The following VPS13A variants were observed in gnomAD, a reference collection of about 807,000 sequenced individuals.
VPS13A encodes vacuolar protein sorting 13 homolog A, also known as intermembrane lipid transfer protein VPS13A.
A neutral mutation model predicts 390.9 loss-of-function variants in VPS13A; 264 were observed. That is an observed-to-expected ratio of 0.68 (90% CI 0.61 to 0.75). VPS13A has a LOEUF of 0.75. Ranked by LOEUF, VPS13A falls within the 30% of genes least tolerant of loss-of-function variation. VPS13A has a pLI of 0.00. For synonymous variants in VPS13A, 1,231 were observed against 1,227.1 expected (o/e 1.00, Z -0.07); for missense variants, 3,409 against 3,733.9 (o/e 0.91, Z 2.27).
At chr9:77,326,897 C>G (rs1830043592) in intron 45 of VPS13A, among the ~76,000 whole-genome samples, 1 of 152,098 alleles carries the variant, frequency 6.6e-6, no homozygotes. Flanking sequence ...GAAGTTTTGA[C>G]AGGGAGGGGA....
chr9:77,342,232 A>G (rs1280842731), intron 50 of VPS13A, among the ~76,000 whole-genome samples: 1 of 152,168 alleles, frequency 6.6e-6, no homozygotes, highest in East Asian at 1.9e-4. Context: ...ACCTTTAATC[A>G]CTTACTGTGA....
chr9:77,193,935 A>C (rs1007421305), intron 1 of VPS13A, among the ~76,000 whole-genome samples: 8 of 152,130 alleles, frequency 5.3e-5, no homozygotes, highest in Non-Finnish European at 1.2e-4. Context: ...CATGCATGCT[A>C]TAACCCTGGG....
chr9:77,415,640 G>T (rs1835141881), intron 71 of VPS13A, among the ~76,000 whole-genome samples: 1 of 152,150 alleles, frequency 6.6e-6, no homozygotes, highest in African/African-American at 2.4e-5. Flanking sequence ...ATTTATGGAA[G>T]TTCATGATAC....
chr9:77,418,890 G>GAT lies in VPS13A; in HGVS notation c.*2885_*2886dup, dbSNP rs1835256724. The GAT allele has an allele frequency of 6.6e-6, 1 of 152,122 alleles. No homozygotes were observed. Among genetic ancestry groups the GAT allele is most frequent in the East Asian group, 1.9e-4 (1 of 5,202 alleles). The allele number at this position is 152,122 out of a possible 1,614,324, so 9.4% of individuals were successfully genotyped here. On this transcript the variant is annotated 3_prime_UTR_variant, in exon 72 of 72. Coordinates refer to ENST00000360280, the MANE Select transcript of VPS13A (RefSeq NM_033305.3). Reference sequence around the variant, plus strand: ...CGTATTACTCTCTGGTAAAAAGAAAGATTAAATTAAAAGGACTCTACACAG... The same window carrying GAT: ...CGTATTACTCTCTGGTAAAAAGAAAGATATTAAATTAAAAGGACTCTACACAG...
intron 31 of VPS13A, among the ~76,000 whole-genome samples, chr9:77,288,528 G>T (rs1286510428): frequency 1.3e-5 from 2 of 151,958 alleles, no homozygotes; most frequent in African/African-American, 2.4e-5. Context: ...TTTACCCATT[G>T]TTTATTTAGA....
chr9:77,408,225 A>ACTGT (rs1161532964), intron 71 of VPS13A, among the ~76,000 whole-genome samples: 8 of 152,236 alleles, frequency 5.3e-5, no homozygotes, highest in Admixed American at 3.9e-4. Flanking sequence ...CTATGAATTG[A>ACTGT]CTGTCTGACC....
Position 77,353,421 on chromosome 9 carries a change from C to A in VPS13A, c.7432C>A (p.Pro2478Thr), listed in dbSNP as rs1831583945. 2 of 1,592,876 alleles carry A rather than the reference C, an allele frequency of 1.3e-6. No individual in the cohort carries two copies. Among genetic ancestry groups the A allele is most frequent in the African/African-American group, 1.4e-5 (1 of 72,444 alleles). Residue 2478 changes from proline (P) to threonine (T), a missense_variant, in exon 54 of 72, where the codon CCT becomes ACT. Coordinates refer to ENST00000360280, the MANE Select transcript of VPS13A (RefSeq NM_033305.3). ...EVTQKDDMMM[P>T]IDLGEKTIYL... is the part of the protein sequence containing the mutation. ...GGTTTTATTCTAGGATATGATGATG[C>A]CTATAGATTTGGGGGAAAAGACAAT...
chr9:77,241,593 G>A (rs1054470304), intron 19 of VPS13A, among the ~76,000 whole-genome samples: 3 of 151,966 alleles, frequency 2.0e-5, no homozygotes, highest in Non-Finnish European at 2.9e-5. Context: ...TTATGGTAAC[G>A]TGTGTCTTTT....
intron 21 of VPS13A, among the ~76,000 whole-genome samples, chr9:77,250,724 G>A (rs1223331242): frequency 6.6e-6 from 1 of 152,152 alleles, no homozygotes; most frequent in Non-Finnish European, 1.5e-5. Flanking sequence ...ACAAAGACGA[G>A]GGTCACTCTC....
intron 5 of VPS13A, among the ~76,000 whole-genome samples, chr9:77,207,216 TATATATATA>T (rs1825691113): frequency 4.5e-5 from 2 of 44,058 alleles, no homozygotes; most frequent in Admixed American, 2.7e-4. Flanking sequence ...TTAGATATTA[TATATATATA>T]TATATATATA....
chr9:77,192,948 G>T (rs114595617), intron 1 of VPS13A, among the ~76,000 whole-genome samples: 1 of 152,078 alleles, frequency 6.6e-6, no homozygotes, highest in African/African-American at 2.4e-5. Context: ...CAAGTTGCTT[G>T]TTTTCTCTCC....
intron 40 of VPS13A, 49 bp from the exon 41 acceptor site, chr9:77,318,186 G>A (rs201606560): frequency 1.9e-6 from 2 of 1,029,366 alleles, no homozygotes; most frequent in Admixed American, 4.7e-5. Context: ...TCTTGACGTA[G>A]TATGTTTGAA....
intron 31 of VPS13A, among the ~76,000 whole-genome samples, chr9:77,285,730 A>G (rs187984313): frequency 6.6e-6 from 1 of 152,248 alleles, no homozygotes; most frequent in Non-Finnish European, 1.5e-5. Flanking sequence ...TATCAGTGCA[A>G]ATATTTTTTG....
Position 77,221,294 on chromosome 9 carries a change from G to T in VPS13A, c.1099G>T (p.Glu367Ter), listed in dbSNP as rs2131179950. 1.2e-6 allele frequency: 2 copies of T among 1,613,394 alleles called. No homozygotes were observed. Among genetic ancestry groups the T allele is most frequent in the Non-Finnish European group, 1.7e-6 (2 of 1,179,552 alleles). The change falls in exon 13 of 72, where the codon GAA becomes TAA. Residue 367 changes from glutamate to a stop codon, truncating the protein, a stop_gained. Coordinates refer to ENST00000360280, the MANE Select transcript of VPS13A (RefSeq NM_033305.3). LOFTEE classifies it high-confidence loss of function. ...KHRQKVKQYKELYKKKLTSKK... is the reference protein window; with the variant it reads ...KHRQKVKQYK ...TAGGCAAAAAGTGAAGCAATATAAAGAACTGTATAAAAAAAAGTTAACAAG... is the reference window on the plus strand; with the variant it reads ...TAGGCAAAAAGTGAAGCAATATAAATAACTGTATAAAAAAAAGTTAACAAG...
At chr9:77,178,004 G>C in intron 1 of VPS13A, 200 bp downstream of exon 1, 1 of 564,090 alleles carries the variant, frequency 1.8e-6, no homozygotes, top group East Asian at 3.1e-5. Flanking sequence ...TTATATTTTG[G>C]GGGAAAGGAG....
In VPS13A at chr9:77,365,564, T is replaced by G; in HGVS notation, c.8316T>G (p.Ser2772=). Residue 2772 remains serine, a synonymous_variant, in exon 60 of 72, where the codon TCT becomes TCG. Transcript: ENST00000360280. ...GCCTCTATGAATATTTTCATATATC[T>G]CCTATCAAGGTAGGAGAAAGTCATT... The part of the protein sequence containing the change: ...QVSLYEYFHI[S]PIKLHLSVSL... 1 of 1,601,670 alleles carries G rather than the reference T, an allele frequency of 6.2e-7. No individual in the cohort carries two copies. The highest frequency in any genetic ancestry group is 8.6e-7 in the Non-Finnish European group (1 of 1,169,306).
At chr9:77,344,015 A>C (rs1008644463) in intron 50 of VPS13A, 138 bp from the exon 51 acceptor site, 1 of 785,312 alleles carries the variant, frequency 1.3e-6, no homozygotes, top group African/African-American at 1.8e-5. Context: ...ACAGCTGTTT[A>C]AACAACCCAA....
At chr9:77,329,847 G>A (rs957256519) in intron 45 of VPS13A, among the ~76,000 whole-genome samples, 1 of 152,062 alleles carries the variant, frequency 6.6e-6, no homozygotes, top group Non-Finnish European at 1.5e-5. Context: ...AATAAAATTT[G>A]CCCACAGTTA....
intron 19 of VPS13A, among the ~76,000 whole-genome samples, chr9:77,246,846 C>G (rs976057478): frequency 2.0e-5 from 3 of 151,982 alleles, no homozygotes; most frequent in African/African-American, 7.3e-5. Context: ...TTTTTATATT[C>G]TCAGAATAAT....
Sources: allele counts gnomAD v4.1 joint callset (sites outside exome capture counted in the v4.1 genomes callset), GRCh38; gene constraint gnomAD v4.1.1; transcripts MANE v1.5; gene names NCBI Gene and HGNC (gene_info 2026-07-23, HGNC 2026-07-21).